The following PDE4D variants were observed in gnomAD, a reference collection of about 807,000 sequenced individuals.
The protein encoded by PDE4D is phosphodiesterase 4D.
In PDE4D, 24 loss-of-function variants were observed where a neutral mutation model predicts 87.4. The ratio of observed to expected loss-of-function variants is 0.27; its 90% CI spans 0.20 to 0.39. The LOEUF is 0.39. Ranked by LOEUF, PDE4D falls within the 10% of genes least tolerant of loss-of-function variation. The pLI, the probability that PDE4D is intolerant of heterozygous loss-of-function variation, is 1.00. For synonymous variants in PDE4D, 384 were observed against 383.2 expected, an observed-to-expected ratio of 1.00 and a Z score of -0.02; for missense variants, 714 against 1,041.0, an observed-to-expected ratio of 0.69 and a Z score of 4.32.
In PDE4D at chr5:60,179,612, ACTT is replaced by A. The variant is rs527506465; in HGVS notation, c.42+5942_42+5944del. ...AATTACTTATGGTTCTCTTACTCCC[ACTT>A]CTTCTACCAAGACATAGATGCACAG... On this transcript the variant is annotated intron_variant, in intron 2 of 16. Transcript: ENST00000502484. Among the ~76,000 whole-genome samples, 501 of 152,208 alleles carry A rather than the reference ACTT, an allele frequency of 3.3e-3. 4 individuals are homozygous for A. The highest frequency in any genetic ancestry group is 0.011 in the African/African-American group (467 of 41,542).
chr5:59,349,576 A>G (rs929429960), intron 1 of PDE4D, among the ~76,000 whole-genome samples: 1 of 152,190 alleles, frequency 6.6e-6, no homozygotes, highest in African/African-American at 2.4e-5. Flanking sequence ...CAACATTATG[A>G]AAATAAATAG....
chr5:59,733,760 C>G (rs750172572), intron 1 of PDE4D, among the ~76,000 whole-genome samples: 1 of 152,018 alleles, frequency 6.6e-6, no homozygotes, highest in African/African-American at 2.4e-5. Flanking sequence ...TTCCCTTCTT[C>G]TTCACAGTCT....
At chr5:60,319,855 G>A (rs770651374) in intron 1 of PDE4D, among the ~76,000 whole-genome samples, 1 of 152,182 alleles carries the variant, frequency 6.6e-6, no homozygotes, top group African/African-American at 2.4e-5. Flanking sequence ...TTTTGTCTAA[G>A]AGGAGTACCC....
At chr5:59,322,938 G>C (rs540163303) in intron 1 of PDE4D, among the ~76,000 whole-genome samples, 2 of 152,232 alleles carry the variant, frequency 1.3e-5, no homozygotes, top group African/African-American at 4.8e-5. Flanking sequence ...GTATTTTGTA[G>C]TTGATTGTTC....
chr5:60,296,125 A>G (rs1345979622), intron 1 of PDE4D, among the ~76,000 whole-genome samples: 1 of 152,132 alleles, frequency 6.6e-6, no homozygotes, highest in African/African-American at 2.4e-5. Context: ...CTCCTAATAC[A>G]ATCACCTTGG....
intron 1 of PDE4D, among the ~76,000 whole-genome samples, chr5:60,292,537 C>T (rs886225333): frequency 2.0e-5 from 3 of 152,192 alleles, no homozygotes; most frequent in Non-Finnish European, 4.4e-5. Context: ...TGCCAAAGAT[C>T]CTACAGTCCT....
At chr5:60,336,534 G>A (rs1757764827) in intron 1 of PDE4D, among the ~76,000 whole-genome samples, 2 of 152,216 alleles carry the variant, frequency 1.3e-5, no homozygotes, top group African/African-American at 4.8e-5. Flanking sequence ...TTGGCTGCAA[G>A]CTGCCCAGAT....
chr5:59,875,924 A>C (rs1304157433), intron 1 of PDE4D, among the ~76,000 whole-genome samples: 3 of 152,182 alleles, frequency 2.0e-5, no homozygotes, highest in African/African-American at 7.2e-5. Context: ...ACACATGGGC[A>C]CATAGAGGGG....
intron 6 of PDE4D, among the ~76,000 whole-genome samples, chr5:59,014,829 A>G (rs1016306690): frequency 1.3e-5 from 2 of 152,190 alleles, no homozygotes; most frequent in African/African-American, 4.8e-5. Context: ...ATCCTAAGCA[A>G]AAAGAACAAA....
intron 2 of PDE4D, among the ~76,000 whole-genome samples, chr5:60,024,820 G>T (rs1442162590): frequency 6.6e-6 from 1 of 151,866 alleles, no homozygotes; most frequent in Non-Finnish European, 1.5e-5. Flanking sequence ...AATCAATTTG[G>T]AAAAACAGTT....
intron 2 of PDE4D, among the ~76,000 whole-genome samples, chr5:59,213,467 G>A (rs1413085635): frequency 6.6e-6 from 1 of 151,986 alleles, no homozygotes; most frequent in Non-Finnish European, 1.5e-5. Context: ...TCATGTTTTT[G>A]TCAGCAACTA....
At chr5:59,298,735 T>C (rs1013120240) in intron 1 of PDE4D, among the ~76,000 whole-genome samples, 1 of 152,182 alleles carries the variant, frequency 6.6e-6, no homozygotes, top group Non-Finnish European at 1.5e-5. Context: ...GTTTATGATA[T>C]GCTAAAGTGT....
intron 1 of PDE4D, among the ~76,000 whole-genome samples, chr5:59,757,262 T>C (rs760956730): frequency 3.3e-5 from 5 of 152,198 alleles, no homozygotes; most frequent in African/African-American, 4.8e-5. Flanking sequence ...GTTTTGGCCC[T>C]GTATACATTT....
chr5:59,588,206 G>A (rs1259550075), intron 1 of PDE4D, among the ~76,000 whole-genome samples: 4 of 151,524 alleles, frequency 2.6e-5, no homozygotes, highest in Non-Finnish European at 5.9e-5. Context: ...GAGATAAAAC[G>A]TTGCAATCCC....
At chr5:59,879,680 G>T (rs1390753752) in intron 1 of PDE4D, among the ~76,000 whole-genome samples, 3 of 152,176 alleles carry the variant, frequency 2.0e-5, no homozygotes, top group Non-Finnish European at 4.4e-5. Flanking sequence ...GGCATCCAAA[G>T]CAATAAAAAG....
intron 2 of PDE4D, among the ~76,000 whole-genome samples, chr5:60,161,363 C>T (rs1195062957): frequency 4.6e-5 from 7 of 152,120 alleles, no homozygotes; most frequent in Admixed American, 2.0e-4. Flanking sequence ...CCCCCTTCTT[C>T]CTCACCATCC....
At chr5:59,387,695 G>A (rs1363851027) in intron 1 of PDE4D, among the ~76,000 whole-genome samples, 2 of 152,018 alleles carry the variant, frequency 1.3e-5, no homozygotes, top group African/African-American at 4.8e-5. Context: ...ATATATTTAT[G>A]ATGTAAAACA....
intron 1 of PDE4D, among the ~76,000 whole-genome samples, chr5:59,417,865 C>G (rs777706223): frequency 6.6e-6 from 1 of 152,212 alleles, no homozygotes; most frequent in Non-Finnish European, 1.5e-5. Context: ...CCGCTATCTA[C>G]TTTATTCCTA....
intron 1 of PDE4D, among the ~76,000 whole-genome samples, chr5:59,834,890 G>A (rs1741773824): frequency 1.3e-5 from 2 of 151,912 alleles, no homozygotes. Flanking sequence ...GATTTTTTGG[G>A]AATTTGCTTG....
Sources: allele counts gnomAD v4.1 joint callset (sites outside exome capture counted in the v4.1 genomes callset), GRCh38; gene constraint gnomAD v4.1.1; transcripts MANE v1.5; gene names NCBI Gene and HGNC (gene_info 2026-07-23, HGNC 2026-07-21).